CSMD3: variants seen among roughly 807,000 people sequenced by gnomAD.
CSMD3 encodes CUB and sushi domain-containing protein 3.
A neutral mutation model predicts 435.2 loss-of-function variants in CSMD3; 177 were observed. The ratio of observed to expected loss-of-function variants is 0.41; its 90% CI spans 0.36 to 0.46. The LOEUF (loss-of-function observed/expected upper bound fraction) is 0.46, where lower values mean the gene tolerates loss of function less well. Among genes scored for constraint, CSMD3 ranks in the 20% least tolerant of loss-of-function variants. The pLI is 0.34. For missense variants in CSMD3, 4,265 were observed against 4,504.6 expected (o/e 0.95, Z 1.52); for synonymous variants, 1,656 against 1,520.5 (o/e 1.09, Z -2.07).
chr8:113,349,473 A>G (rs1003883732), intron 1 of CSMD3, among the ~76,000 whole-genome samples: 1 of 152,102 alleles, frequency 6.6e-6, no homozygotes, highest in African/African-American at 2.4e-5. Context: ...TTACAGGAAT[A>G]CAAAAAGAAA....
intron 37 of CSMD3, among the ~76,000 whole-genome samples, chr8:112,382,962 G>GC: frequency 6.6e-6 from 1 of 152,300 alleles, no homozygotes; most frequent in East Asian, 1.9e-4. Flanking sequence ...CTGCACTCCA[G>GC]CCTGGGAGAC....
chr8:112,824,650 G>A (rs2079624635), intron 12 of CSMD3, among the ~76,000 whole-genome samples: 1 of 152,174 alleles, frequency 6.6e-6, no homozygotes, highest in Admixed American at 6.6e-5. Context: ...CTTCTGGCTT[G>A]TAGGGTTTCT....
intron 11 of CSMD3, among the ~76,000 whole-genome samples, chr8:112,857,056 G>A (rs1010966059): frequency 7.9e-5 from 12 of 151,536 alleles, no homozygotes; most frequent in Admixed American, 2.0e-4. Flanking sequence ...GTGCATTCAT[G>A]TAAGGGAAAA....
chr8:112,996,938 A>G (rs1340691559), intron 6 of CSMD3, among the ~76,000 whole-genome samples: 1 of 151,628 alleles, frequency 6.6e-6, no homozygotes, highest in Non-Finnish European at 1.5e-5. Context: ...GGATAACAGA[A>G]CTGTAAAAGA....
chr8:113,036,966 C>A (rs906865340), intron 5 of CSMD3, among the ~76,000 whole-genome samples: 1 of 152,002 alleles, frequency 6.6e-6, no homozygotes, highest in Non-Finnish European at 1.5e-5. Flanking sequence ...TAATAAGACA[C>A]AGTATTTACA....
At chr8:113,375,651 T>A (rs2094377590) in intron 1 of CSMD3, among the ~76,000 whole-genome samples, 1 of 152,168 alleles carries the variant, frequency 6.6e-6, no homozygotes. Context: ...GAAAAATGAT[T>A]ATTCCCCAGA....
intron 4 of CSMD3, among the ~76,000 whole-genome samples, chr8:113,124,353 C>A (rs931661416): frequency 1.3e-5 from 2 of 151,790 alleles, no homozygotes; most frequent in Non-Finnish European, 2.9e-5. Context: ...ATAGGCACAA[C>A]TATTTTTCGG....
intron 35 of CSMD3, among the ~76,000 whole-genome samples, chr8:112,392,044 G>C (rs1434883114): frequency 2.6e-5 from 4 of 152,042 alleles, no homozygotes; most frequent in East Asian, 3.9e-4. Context: ...TTTCTAAAAG[G>C]CTTTTGTGAA....
chr8:112,467,581 G>A (rs981631367), intron 32 of CSMD3, among the ~76,000 whole-genome samples: 4 of 152,080 alleles, frequency 2.6e-5, no homozygotes, highest in Non-Finnish European at 5.9e-5. Flanking sequence ...CAAAATTTAT[G>A]TTCACCAAGA....
chr8:113,401,972 G>C (rs2094512095), intron 1 of CSMD3, among the ~76,000 whole-genome samples: 1 of 151,400 alleles, frequency 6.6e-6, no homozygotes, highest in East Asian at 1.9e-4. Context: ...TTCACACAAT[G>C]AATAAATCAT....
chr8:113,249,386 G>A (rs890837945), intron 3 of CSMD3, among the ~76,000 whole-genome samples: 8 of 151,988 alleles, frequency 5.3e-5, no homozygotes, highest in Admixed American at 1.3e-4. Flanking sequence ...TGAGACCCAC[G>A]TTCTTCCAGA....
At chr8:112,326,633 G>A (rs750893369) in intron 45 of CSMD3, among the ~76,000 whole-genome samples, 1 of 152,172 alleles carries the variant, frequency 6.6e-6, no homozygotes, top group Non-Finnish European at 1.5e-5. Flanking sequence ...TCAATCTGAC[G>A]TGACCTTCCT....
chr8:113,145,198 T>C (rs1397396679), intron 4 of CSMD3, among the ~76,000 whole-genome samples: 1 of 151,480 alleles, frequency 6.6e-6, no homozygotes, highest in East Asian at 2.0e-4. Context: ...TAACAGGATC[T>C]GCAGACCATG....
intron 27 of CSMD3, among the ~76,000 whole-genome samples, chr8:112,549,681 G>T (rs762852470): frequency 6.6e-6 from 1 of 151,842 alleles, no homozygotes; most frequent in Non-Finnish European, 1.5e-5. Flanking sequence ...TAGTTCATTA[G>T]GTACCAGTTA....
chr8:112,379,027 CA>C (rs1352582338), intron 38 of CSMD3, among the ~76,000 whole-genome samples: 1 of 151,452 alleles, frequency 6.6e-6, no homozygotes, highest in Non-Finnish European at 1.5e-5. Flanking sequence ...AATTAACATG[CA>C]AAGAATCAGT....
At chr8:112,523,638 T>C (rs2131026886) in intron 27 of CSMD3, among the ~76,000 whole-genome samples, 1 of 152,170 alleles carries the variant, frequency 6.6e-6, no homozygotes, top group South Asian at 2.1e-4. Flanking sequence ...GAGAAAAATC[T>C]CATCCAGAGT....
intron 1 of CSMD3, among the ~76,000 whole-genome samples, chr8:113,384,019 A>C (rs1425907656): frequency 1.3e-5 from 2 of 152,178 alleles, no homozygotes; most frequent in Non-Finnish European, 1.5e-5. Context: ...TTAGAAAACA[A>C]CCTGGAATAC....
At chr8:112,348,576 T>TA (rs1825872365) in intron 40 of CSMD3, among the ~76,000 whole-genome samples, 1 of 151,706 alleles carries the variant, frequency 6.6e-6, no homozygotes, top group African/African-American at 2.4e-5. Flanking sequence ...TCAAAATTTA[T>TA]AAAATACAAA....
chr8:112,486,114 G>GTT lies in CSMD3; in HGVS notation c.5278+6373_5278+6374dup, dbSNP rs10955624. Among the ~76,000 whole-genome samples, 473 of 144,678 alleles carry GTT rather than the reference G, an allele frequency of 3.3e-3. 4 individuals carry two copies. Among genetic ancestry groups the GTT allele is most frequent in the Non-Finnish European group, 5.7e-3 (372 of 65,518 alleles). 94.9% of individuals were successfully genotyped at this position (144,678 alleles called of 152,430 possible). ...CATTTAAGATGAAAAATTCTATCAG[G>GTT]TTTTTTTTTTTTTGGTAGGAATTTA... On this transcript the variant is annotated intron_variant, in intron 31 of 70. Coordinates refer to ENST00000297405, the MANE Select transcript of CSMD3 (RefSeq NM_198123.2).
Sources: gnomAD v4.1 joint callset for allele counts (sites outside exome capture counted in the v4.1 genomes callset) on GRCh38, gnomAD v4.1.1 for gene constraint, MANE v1.5 for transcripts, NCBI Gene and HGNC (gene_info 2026-07-23, HGNC 2026-07-21) for gene names.